Variants in METAP2 observed in about 807,000 individuals in gnomAD.
METAP2 encodes methionine aminopeptidase 2.
In METAP2, 25 loss-of-function variants were observed where a neutral mutation model predicts 59.4. The observed-to-expected ratio is 0.42, with a 90% CI of 0.31 to 0.59. METAP2 has a LOEUF of 0.59. Among genes scored for constraint, METAP2 ranks in the 20% least tolerant of loss-of-function variants. METAP2 has a pLI of 0.16. For synonymous variants in METAP2, 214 were observed against 194.1 expected (o/e 1.10, Z -0.85); for missense variants, 366 against 581.2 (o/e 0.63, Z 3.81).
chr12:95,475,020 A>C, intron 1 of METAP2, among the ~76,000 whole-genome samples: 1 of 152,220 alleles, frequency 6.6e-6, no homozygotes, highest in East Asian at 1.9e-4. Flanking sequence ...TCTGTGGCTC[A>C]GAATGGAACT....
intron 7 of METAP2, 63 bp downstream of exon 7, chr12:95,496,161 A>G: frequency 4.7e-6 from 5 of 1,058,108 alleles, no homozygotes; most frequent in South Asian, 3.0e-5. Flanking sequence ...TCTTTTAAAC[A>G]CTTAACAGCA....
At chr12:95,485,704 A>G in intron 3 of METAP2, 175 bp from the exon 4 acceptor site, 1 of 506,012 alleles carries the variant, frequency 2.0e-6, no homozygotes, top group Non-Finnish European at 3.4e-6. Context: ...CCAAGCAGCA[A>G]TAAATCATTG....
chr12:95,491,635 C>T (rs1019556508), intron 4 of METAP2, among the ~76,000 whole-genome samples: 2 of 151,678 alleles, frequency 1.3e-5, no homozygotes, highest in African/African-American at 2.4e-5. Flanking sequence ...CTGAGCCTCC[C>T]GAGTAGCTGG....
At chr12:95,483,474 TCA>T (rs2076174194) in intron 3 of METAP2, 194 bp downstream of exon 3, 92 of 68,736 alleles carry the variant, frequency 1.3e-3, no homozygotes, top group South Asian at 3.5e-3. Flanking sequence ...AGACTCTGTC[TCA>T]AAAAAAAAAA....
chr12:95,508,790 A>G (rs1387906227), intron 8 of METAP2, among the ~76,000 whole-genome samples: 1 of 152,144 alleles, frequency 6.6e-6, no homozygotes, highest in Non-Finnish European at 1.5e-5. Context: ...GGGATTTTTA[A>G]TATCTACCCT....
At chr12:95,503,770 C>G (rs186713928) in intron 7 of METAP2, among the ~76,000 whole-genome samples, 1 of 152,316 alleles carries the variant, frequency 6.6e-6, no homozygotes, top group African/African-American at 2.4e-5. Context: ...AATAACCACA[C>G]TTGACCATCC....
rs141579580 is a variant in METAP2 at position 95,496,364 on chromosome 12, A to G, written c.867+266A>G. On this transcript the variant is annotated intron_variant, in intron 7 of 10. Coordinates refer to ENST00000323666, the MANE Select transcript of METAP2 (RefSeq NM_006838.4). ...GAGTTTGGATCTATTTTTGCCTGTC[A>G]GTTGGCAGTGGTTTTTTTGTGGTTC... 9.1e-3 allele frequency among the ~76,000 whole-genome samples: 1,390 copies of G among 152,226 alleles called. 27 individuals are homozygous for G. Among genetic ancestry groups the G allele is most frequent in the African/African-American group, 0.032 (1,332 of 41,518 alleles).
In METAP2 at chr12:95,474,293, A is replaced by G. The variant is rs2076101324; in HGVS notation, c.114A>G (p.Lys38=). 6.2e-7 allele frequency: 1 copy of G among 1,614,070 alleles called. No homozygotes were observed. The highest frequency in any genetic ancestry group is 1.1e-5 in the South Asian group (1 of 91,084). ...ASTAEEAAKK[K]RRKKKKSKGP... is the part of the protein sequence containing the mutation. ...CGGCTGAGGAAGCAGCCAAGAAAAA[A>G]AGACGAAAGAAGAAGAAGAGCAAAG... The change falls in exon 1 of 11, where the codon AAA becomes AAG. Residue 38 remains lysine (K), a synonymous_variant. Transcript: ENST00000323666.
At chr12:95,498,445 A>G (rs914124368) in intron 7 of METAP2, among the ~76,000 whole-genome samples, 1 of 152,166 alleles carries the variant, frequency 6.6e-6, no homozygotes, top group Non-Finnish European at 1.5e-5. Flanking sequence ...CATGAAGTCC[A>G]GTTTGTCTAT....
chr12:95,477,788 C>T (rs1470816357), intron 2 of METAP2, among the ~76,000 whole-genome samples: 1 of 152,138 alleles, frequency 6.6e-6, no homozygotes, highest in Non-Finnish European at 1.5e-5. Context: ...GGTATGTTCT[C>T]TGCCTTCAAG....
chr12:95,474,212 G>C lies in METAP2; in HGVS notation c.33G>C (p.Gly11=). 1 of 1,614,180 alleles carries C rather than the reference G, an allele frequency of 6.2e-7. No homozygotes were observed. Among genetic ancestry groups the C allele is most frequent in the Non-Finnish European group, 8.5e-7 (1 of 1,180,012 alleles). Reference sequence around the variant, plus strand: ...GTGTGGAGGAGGTAGCGGCCTCCGGGAGCCACCTGAATGGCGACCTGGATC... The same window carrying C: ...GTGTGGAGGAGGTAGCGGCCTCCGGCAGCCACCTGAATGGCGACCTGGATC... MAGVEEVAAS[G]SHLNGDLDPD... is the part of the protein sequence containing the mutation. Residue 11 remains glycine, a synonymous_variant, in exon 1 of 11, where the codon GGG becomes GGC. Transcript: ENST00000323666.
intron 2 of METAP2, among the ~76,000 whole-genome samples, chr12:95,477,286 A>C (rs910938486): frequency 6.6e-6 from 1 of 151,834 alleles, no homozygotes; most frequent in African/African-American, 2.4e-5. Context: ...CTTTAGTAGA[A>C]ATGGGGTTTT....
At chr12:95,488,751 A>G (rs969616474) in intron 4 of METAP2, among the ~76,000 whole-genome samples, 2 of 152,044 alleles carry the variant, frequency 1.3e-5, no homozygotes, top group Admixed American at 6.6e-5. Context: ...CATGTATATA[A>G]TGGAATCAGT....
At chr12:95,493,183 A>G (rs1406445760) in intron 4 of METAP2, among the ~76,000 whole-genome samples, 1 of 152,178 alleles carries the variant, frequency 6.6e-6, no homozygotes, top group African/African-American at 2.4e-5. Context: ...CAGATACTGA[A>G]TAAAAAATTC....
chr12:95,475,367 T>C (rs2076110397), intron 1 of METAP2, among the ~76,000 whole-genome samples: 1 of 152,198 alleles, frequency 6.6e-6, no homozygotes, highest in Non-Finnish European at 1.5e-5. Context: ...TGGTGGCTGT[T>C]CCTGGATTTC....
In METAP2 at chr12:95,515,116, G is replaced by A. The variant is rs202007024; in HGVS notation, c.*1212G>A. The A allele has an allele frequency of 6.6e-6, 1 of 152,554 alleles. No individual in the cohort carries two copies. Among genetic ancestry groups the A allele is most frequent in the African/African-American group, 2.4e-5 (1 of 41,420 alleles). 9.5% of individuals were successfully genotyped at this position (152,554 alleles called of 1,614,324 possible). A position where few individuals can be genotyped will look rare whatever the true frequency, so the allele number is the denominator to read the frequency against. ...ATCAAGGTAGCCTTAATTTGTATAT[G>A]TTTCAGTACAATGAGATTTTATTGC... On this transcript the variant is annotated 3_prime_UTR_variant, in exon 11 of 11. Transcript: ENST00000323666.
At chr12:95,498,700 A>G (rs533475099) in intron 7 of METAP2, among the ~76,000 whole-genome samples, 54 of 152,222 alleles carry the variant, frequency 3.5e-4, no homozygotes, top group African/African-American at 9.6e-4. Context: ...TTGCTTTTCA[A>G]TGGTTTTGAC....
intron 8 of METAP2, among the ~76,000 whole-genome samples, chr12:95,508,383 C>T (rs2076377942): frequency 6.6e-6 from 1 of 152,134 alleles, no homozygotes; most frequent in African/African-American, 2.4e-5. Context: ...AAGCAAGATT[C>T]TTAACCCAAA....
chr12:95,482,943 C>T (rs2076169601), intron 2 of METAP2, among the ~76,000 whole-genome samples: 1 of 152,168 alleles, frequency 6.6e-6, no homozygotes, highest in Non-Finnish European at 1.5e-5. Context: ...GTGTTGGAGT[C>T]TCACTATGTT....
Sources: gnomAD v4.1 joint callset for allele counts (sites outside exome capture counted in the v4.1 genomes callset) on GRCh38, gnomAD v4.1.1 for gene constraint, MANE v1.5 for transcripts, NCBI Gene and HGNC (gene_info 2026-07-23, HGNC 2026-07-21) for gene names.